Variants in ST6GALNAC5 observed in about 807,000 individuals in gnomAD.
ST6GALNAC5 encodes the protein alpha-N-acetylgalactosaminide alpha-2,6-sialyltransferase 5.
A neutral mutation model predicts 33.6 loss-of-function variants in ST6GALNAC5; 27 were observed. The observed-to-expected ratio is 0.80, with a 90% CI of 0.59 to 1.11. The LOEUF (loss-of-function observed/expected upper bound fraction) is 1.11. Ranked by LOEUF, ST6GALNAC5 falls within the 50% of genes least tolerant of loss-of-function variation. ST6GALNAC5 has a pLI of 0.00. For synonymous variants in ST6GALNAC5, 194 were observed against 171.2 expected, an observed-to-expected ratio of 1.13 and a Z score of -1.04; for missense variants, 428 against 454.0, an observed-to-expected ratio of 0.94 and a Z score of 0.52.
At chr1:76,944,714 A>C (rs1647453290) in intron 2 of ST6GALNAC5, among the ~76,000 whole-genome samples, 1 of 152,108 alleles carries the variant, frequency 6.6e-6, no homozygotes, top group Admixed American at 6.6e-5. Context: ...ATTAAGGGGC[A>C]AGGTCTCAGG....
chr1:76,973,897 A>G (rs985937640), intron 2 of ST6GALNAC5, among the ~76,000 whole-genome samples: 1 of 104,734 alleles, frequency 9.5e-6, no homozygotes, highest in Non-Finnish European at 1.8e-5. Flanking sequence ...TCCAAGTTTT[A>G]TGTTCTGTTT....
rs773695649 is a variant in ST6GALNAC5, at chr1:76,979,884, G to A, written c.262-64320G>A. Among the ~76,000 whole-genome samples, 24 of 152,154 alleles carry A rather than the reference G, an allele frequency of 1.6e-4. 1 individual carries two copies. The highest frequency in any genetic ancestry group is 3.4e-4 in the Non-Finnish European group (23 of 68,020). ...TTGAATCTGGGAAACTGAGGTTGCAGTAAGCCAAGCTTACCCCATTGCACT... is the reference window on the plus strand; with the variant it reads ...TTGAATCTGGGAAACTGAGGTTGCAATAAGCCAAGCTTACCCCATTGCACT... On this transcript the variant is annotated intron_variant, in intron 2 of 4. Transcript: ENST00000477717.
chr1:77,047,040 TC>T (rs1359411813), intron 3 of ST6GALNAC5, among the ~76,000 whole-genome samples: 1 of 152,234 alleles, frequency 6.6e-6, no homozygotes, highest in Non-Finnish European at 1.5e-5. Flanking sequence ...TTCTTCCTGG[TC>T]GTCCTGGCTG....
At chr1:77,057,754 G>A (rs955904897) in intron 4 of ST6GALNAC5, among the ~76,000 whole-genome samples, 3 of 152,150 alleles carry the variant, frequency 2.0e-5, no homozygotes, top group African/African-American at 7.2e-5. Flanking sequence ...TGCTTCTGTT[G>A]TTTCCTCAAA....
chr1:77,015,546 T>G (rs1013833502), intron 2 of ST6GALNAC5, among the ~76,000 whole-genome samples: 1 of 152,122 alleles, frequency 6.6e-6, no homozygotes, highest in Non-Finnish European at 1.5e-5. Flanking sequence ...ATTGTTCTAA[T>G]TGTTTTAATT....
chr1:77,053,048 A>T (rs146039832), intron 4 of ST6GALNAC5, among the ~76,000 whole-genome samples: 26 of 152,106 alleles, frequency 1.7e-4, no homozygotes, highest in African/African-American at 6.3e-4. Flanking sequence ...TTACCATGTG[A>T]CTATAAAAAG....
chr1:77,008,233 T>C lies in ST6GALNAC5; in HGVS notation c.262-35971T>C, dbSNP rs933700367. On this transcript the variant is annotated intron_variant, in intron 2 of 4. Transcript: ENST00000477717. ...CTCACTTCATGCACAAGAGCTTTCATTGAACAACAGTCAAGCTTTGCTTCA... is the reference window on the plus strand; with the variant it reads ...CTCACTTCATGCACAAGAGCTTTCACTGAACAACAGTCAAGCTTTGCTTCA... 3.9e-5 allele frequency among the ~76,000 whole-genome samples: 6 copies of C among 152,174 alleles called. No homozygotes were observed. The South Asian group carries it at 1.0e-3, about 26-fold the overall frequency.
At chr1:77,026,836 T>A (rs541469370) in intron 2 of ST6GALNAC5, among the ~76,000 whole-genome samples, 19 of 144,614 alleles carry the variant, frequency 1.3e-4, no homozygotes, top group East Asian at 8.1e-4. Flanking sequence ...AATGAATGAA[T>A]GAAAATGTGT....
rs2100405203 is a variant in ST6GALNAC5 at position 76,998,573 on chromosome 1, C to T, written c.262-45631C>T. Among the ~76,000 whole-genome samples the T allele has an allele frequency of 2.0e-5, 3 of 152,196 alleles. 1 individual carries two copies. Among genetic ancestry groups the T allele is most frequent in the South Asian group, 4.1e-4 (2 of 4,824 alleles). On this transcript the variant is annotated intron_variant, in intron 2 of 4. Coordinates refer to ENST00000477717, the MANE Select transcript of ST6GALNAC5 (RefSeq NM_030965.3). ...GGTCACTGAGAAGCAGAATGTAAAGCATTATTTGCAGGAAAAGAAAGCCTA... is the reference window on the plus strand; with the variant it reads ...GGTCACTGAGAAGCAGAATGTAAAGTATTATTTGCAGGAAAAGAAAGCCTA...
intron 2 of ST6GALNAC5, among the ~76,000 whole-genome samples, chr1:76,914,795 A>G (rs369277037): frequency 1.3e-5 from 2 of 152,052 alleles, no homozygotes; most frequent in Non-Finnish European, 2.9e-5. Flanking sequence ...GGACTTCATG[A>G]CTAAAACACC....
rs543765187 is a variant in ST6GALNAC5, at chr1:76,956,277, GA to G, written c.261+87546del. ...ATACCTAAGTGAGGCCCAAGATCCA[GA>G]AAAAAAAAAAGAAAAGAAAGCATAG... On this transcript the variant is annotated intron_variant, in intron 2 of 4. Transcript: ENST00000477717. Among the ~76,000 whole-genome samples, 45 of 136,646 alleles carry G rather than the reference GA, an allele frequency of 3.3e-4. No homozygotes were observed. In the East Asian group the frequency reaches 3.3e-3, roughly 10 times the overall value. The allele number at this position is 136,646 out of a possible 152,430, so 89.6% of individuals were successfully genotyped here.
chr1:76,966,327 A>C (rs1262844448), intron 2 of ST6GALNAC5, among the ~76,000 whole-genome samples: 2 of 152,092 alleles, frequency 1.3e-5, no homozygotes, highest in East Asian at 1.9e-4. Context: ...CATCCCTTGT[A>C]AGTTGGATTT....
intron 2 of ST6GALNAC5, among the ~76,000 whole-genome samples, chr1:76,870,003 G>A (rs950918238): frequency 5.3e-5 from 8 of 152,188 alleles, no homozygotes; most frequent in African/African-American, 1.9e-4. Context: ...TTTGCAATGA[G>A]AAGAATTCAG....
intron 2 of ST6GALNAC5, among the ~76,000 whole-genome samples, chr1:77,020,830 G>C (rs960317498): frequency 6.6e-6 from 1 of 152,188 alleles, no homozygotes; most frequent in Admixed American, 6.5e-5. Flanking sequence ...ATCATTAAAG[G>C]CTCCGTTACA....
chr1:77,052,178 C>A (rs1652245070), intron 4 of ST6GALNAC5, among the ~76,000 whole-genome samples: 1 of 152,218 alleles, frequency 6.6e-6, no homozygotes, highest in Admixed American at 6.5e-5. Context: ...AAGAACTCTT[C>A]AAAAGGACCC....
At chr1:76,974,381 A>G (rs858591) in intron 2 of ST6GALNAC5, among the ~76,000 whole-genome samples, 62,101 of 151,342 alleles carry the variant, frequency 0.41, 13,063 homozygotes, top group Admixed American at 0.53. Context: ...GATTTTTTAA[A>G]TTTTTTTGTA....
In ST6GALNAC5 at chr1:76,979,958, T is replaced by G. The variant is rs1649181323; in HGVS notation, c.262-64246T>G. ...CTCTGTCTCCAAAAAAAGACTGTAA[T>G]GTAAGACCCAAAACTATGAAACTAC... On this transcript the variant is annotated intron_variant, in intron 2 of 4. Transcript: ENST00000477717. 2.0e-5 allele frequency among the ~76,000 whole-genome samples: 3 copies of G among 152,174 alleles called. No homozygotes were observed. The South Asian group carries it at 6.2e-4, about 32-fold the overall frequency.
chr1:76,940,891 G>A (rs924813723), intron 2 of ST6GALNAC5, among the ~76,000 whole-genome samples: 9 of 151,950 alleles, frequency 5.9e-5, no homozygotes, highest in African/African-American at 2.2e-4. Flanking sequence ...AAACCCAAAT[G>A]CATAAATCAT....
At chr1:77,045,286 A>G (rs1307417586) in intron 3 of ST6GALNAC5, among the ~76,000 whole-genome samples, 1 of 152,242 alleles carries the variant, frequency 6.6e-6, no homozygotes, top group African/African-American at 2.4e-5. Context: ...GGAACAGAGT[A>G]GAATAGAAAA....
Sources: allele counts gnomAD v4.1 joint callset (sites outside exome capture counted in the v4.1 genomes callset), GRCh38; gene constraint gnomAD v4.1.1; transcripts MANE v1.5; gene names NCBI Gene and HGNC (gene_info 2026-07-23, HGNC 2026-07-21).